Variants in CAGE1 observed in about 807,000 individuals in gnomAD.
The protein encoded by CAGE1 is cancer antigen 1.
A neutral mutation model predicts 94.9 loss-of-function variants in CAGE1; 66 were observed. The ratio of observed to expected loss-of-function variants is 0.70; its 90% CI spans 0.57 to 0.85. CAGE1 has a LOEUF of 0.85. Among genes scored for constraint, CAGE1 ranks in the 40% least tolerant of loss-of-function variants. The pLI is 0.00. For synonymous variants in CAGE1, 319 were observed against 321.0 expected, an observed-to-expected ratio of 0.99 and a Z score of 0.07; for missense variants, 865 against 950.4, an observed-to-expected ratio of 0.91 and a Z score of 1.18.
At chr6:7,331,318 T>A in intron 12 of CAGE1, 1 of 1,013,338 alleles carries the variant, frequency 9.9e-7, no homozygotes, top group Non-Finnish European at 1.4e-6. Context: ...AAAGCAACCA[T>A]CAAACAAAAG....
At chr6:7,371,677 C>T (rs1440067562) in intron 5 of CAGE1, among the ~76,000 whole-genome samples, 1 of 152,080 alleles carries the variant, frequency 6.6e-6, no homozygotes, top group Non-Finnish European at 1.5e-5. Context: ...ATCCCAGCTA[C>T]TTGGGAGGCT....
At position 7,353,954 on chromosome 6, in the gene CAGE1, G is replaced by A. The variant is rs557165974; in HGVS notation, c.2369+1087C>T. ...TGGGGACTTGTGGGGAAGTGTGGAA[G>A]GGGGATGAGGGATAAAAGACTATAA... is the stretch of plus-strand genomic sequence containing the variant. On this transcript the variant is annotated intron_variant, in intron 11 of 13. Transcript: ENST00000502583. 1.1e-4 allele frequency among the ~76,000 whole-genome samples: 17 copies of A among 152,140 alleles called. No homozygotes were observed. In the South Asian group the frequency reaches 3.5e-3, roughly 32 times the overall value.
At chr6:7,385,217 C>A (rs1470365001) in intron 3 of CAGE1, among the ~76,000 whole-genome samples, 3 of 151,992 alleles carry the variant, frequency 2.0e-5, no homozygotes, top group South Asian at 4.2e-4. Context: ...GTTGGTCAGG[C>A]TGGTCTTGAA....
intron 11 of CAGE1, among the ~76,000 whole-genome samples, chr6:7,351,680 A>C (rs1759772388): frequency 6.6e-6 from 1 of 152,008 alleles, no homozygotes; most frequent in Non-Finnish European, 1.5e-5. Context: ...AAGATAATCC[A>C]CTATGATCAA....
intron 11 of CAGE1, among the ~76,000 whole-genome samples, chr6:7,344,263 C>A (rs1759316121): frequency 6.6e-6 from 1 of 152,216 alleles, no homozygotes; most frequent in Admixed American, 6.5e-5. Context: ...CGCTTGCGGG[C>A]CAGCTGGAGT....
At chr6:7,344,853 G>C (rs1021638850) in intron 11 of CAGE1, among the ~76,000 whole-genome samples, 7 of 152,160 alleles carry the variant, frequency 4.6e-5, no homozygotes, top group Admixed American at 3.9e-4. Flanking sequence ...TTCTGGTGGG[G>C]CCTTGGAGAA....
At chr6:7,385,423 C>A (rs1203955556) in intron 3 of CAGE1, among the ~76,000 whole-genome samples, 1 of 152,114 alleles carries the variant, frequency 6.6e-6, no homozygotes, top group Non-Finnish European at 1.5e-5. Flanking sequence ...CTGCCTTGGC[C>A]TTCCAAAGCA....
chr6:7,333,824 T>C (rs1047977708), intron 12 of CAGE1, among the ~76,000 whole-genome samples, 198 bp downstream of exon 12: 142 of 151,746 alleles, frequency 9.4e-4, no homozygotes, highest in African/African-American at 3.3e-3. Context: ...CGTGCCACCA[T>C]GCCCGGCTAA....
intron 3 of CAGE1, among the ~76,000 whole-genome samples, chr6:7,382,023 A>G (rs1219811005): frequency 6.6e-6 from 1 of 151,452 alleles, no homozygotes; most frequent in Non-Finnish European, 1.5e-5. Flanking sequence ...TATTTTTGGT[A>G]GAGACGGGGT....
intron 11 of CAGE1, among the ~76,000 whole-genome samples, chr6:7,335,258 G>T (rs890370073): frequency 6.6e-6 from 1 of 152,142 alleles, no homozygotes; most frequent in Non-Finnish European, 1.5e-5. Flanking sequence ...CATCTGCAAG[G>T]CTCTTTTGCT....
intron 7 of CAGE1, among the ~76,000 whole-genome samples, chr6:7,367,301 T>C (rs1760378292): frequency 6.6e-6 from 1 of 151,380 alleles, no homozygotes; most frequent in East Asian, 1.9e-4. Context: ...TTTTGCTTTT[T>C]GTTGTTATTG....
chr6:7,345,992 T>G (rs906177726), intron 11 of CAGE1, among the ~76,000 whole-genome samples: 6 of 152,204 alleles, frequency 3.9e-5, no homozygotes, highest in Non-Finnish European at 8.8e-5. Flanking sequence ...CTCTATTAAA[T>G]TTTAGCAGAA....
At chr6:7,345,135 C>T (rs912012158) in intron 11 of CAGE1, among the ~76,000 whole-genome samples, 1 of 41,952 alleles carries the variant, frequency 2.4e-5, no homozygotes, top group Non-Finnish European at 4.4e-5. Context: ...ATCCATATTG[C>T]TTTTAGGAGC....
chr6:7,330,035 A>G, intron 12 of CAGE1, 147 bp from the exon 13 acceptor site: 1 of 568,840 alleles, frequency 1.8e-6, no homozygotes. Context: ...TGAGACCCTC[A>G]GAGATTAAGA....
chr6:7,336,104 C>T (rs1229001661), intron 11 of CAGE1, among the ~76,000 whole-genome samples: 1 of 152,184 alleles, frequency 6.6e-6, no homozygotes, highest in African/African-American at 2.4e-5. Flanking sequence ...AACCCAGGAA[C>T]AGAAGATAAT....
At chr6:7,386,486 T>C (rs1761124443) in intron 2 of CAGE1, among the ~76,000 whole-genome samples, 1 of 152,228 alleles carries the variant, frequency 6.6e-6, no homozygotes. Context: ...CTGATGTAAG[T>C]GGAAGATGCA....
chr6:7,353,259 A>G (rs553631456), intron 11 of CAGE1, among the ~76,000 whole-genome samples: 1 of 152,366 alleles, frequency 6.6e-6, no homozygotes, highest in East Asian at 1.9e-4. Flanking sequence ...AAAAGAAGAT[A>G]TACAAGTGGC....
chr6:7,331,344 G>T, intron 12 of CAGE1: 2 of 1,066,268 alleles, frequency 1.9e-6, no homozygotes, highest in Non-Finnish European at 2.7e-6. Context: ...CGTAAGTCTG[G>T]ACAAGGCAAA....
At chr6:7,374,590 G>C (rs181036687) in intron 4 of CAGE1, among the ~76,000 whole-genome samples, 1 of 151,938 alleles carries the variant, frequency 6.6e-6, no homozygotes, top group African/African-American at 2.4e-5. Context: ...TTTTAGGGGG[G>C]AAAGTTCTCT....
Sources: allele counts gnomAD v4.1 joint callset (sites outside exome capture counted in the v4.1 genomes callset), GRCh38; gene constraint gnomAD v4.1.1; transcripts MANE v1.5; gene names NCBI Gene and HGNC (gene_info 2026-07-23, HGNC 2026-07-21).